The following ATRNL1 variants were observed in gnomAD, a reference collection of about 807,000 sequenced individuals.
ATRNL1 encodes attractin-like protein 1.
In ATRNL1, 95 loss-of-function variants were observed where a neutral mutation model predicts 182.7. That is an observed-to-expected ratio of 0.52 (90% CI 0.44 to 0.62). The LOEUF (loss-of-function observed/expected upper bound fraction) is 0.62, where lower values mean the gene tolerates loss of function less well. Ranked by LOEUF, ATRNL1 falls within the 20% of genes least tolerant of loss-of-function variation. The probability of loss-of-function intolerance (pLI) is 0.00; values close to 1 mark genes in which losing one functional copy is unlikely to be tolerated. For synonymous variants in ATRNL1, 576 were observed against 568.3 expected (o/e 1.01, Z -0.19); for missense variants, 1,471 against 1,679.5 (o/e 0.88, Z 2.17).
chr10:115,847,793 G>A lies in ATRNL1; in HGVS notation c.3904-84G>A, dbSNP rs1246978476. ...TGAACAACTAGGAATGTACAGCACA[G>A]CTACCTAAAGGATAGATAAGGTGAA... On this transcript the variant is annotated intron_variant, in intron 27 of 28. Transcript: ENST00000355044. 5.3e-6 allele frequency: 4 copies of A among 748,938 alleles called. No individual in the cohort carries two copies. In the Admixed American group the frequency reaches 8.0e-5, roughly 15 times the overall value. 46.4% of individuals were successfully genotyped at this position (748,938 alleles called of 1,614,324 possible).
At chr10:115,808,069 G>A (rs530362222) in intron 27 of ATRNL1, among the ~76,000 whole-genome samples, 24 of 152,150 alleles carry the variant, frequency 1.6e-4, no homozygotes, top group Admixed American at 9.8e-4. Flanking sequence ...ATTTATCTTC[G>A]CTGTGTGTAT....
chr10:115,769,219 A>C lies in ATRNL1; in HGVS notation c.3903+41864A>C, dbSNP rs187582743. Among the ~76,000 whole-genome samples the C allele has an allele frequency of 1.8e-3, 271 of 152,270 alleles. 2 individuals are homozygous for C. Among genetic ancestry groups the C allele is most frequent in the African/African-American group, 6.2e-3 (256 of 41,572 alleles). On this transcript the variant is annotated intron_variant, in intron 27 of 28. Transcript: ENST00000355044. ...TATGGAGGCTATCTTCTCCTGCACC[A>C]AAACAAGAAACCGTATAGGTTTCTT...
chr10:115,832,398 T>C (rs981474934), intron 27 of ATRNL1, among the ~76,000 whole-genome samples: 3 of 152,218 alleles, frequency 2.0e-5, no homozygotes, highest in African/African-American at 7.2e-5. Context: ...AGCATAATGC[T>C]AAGGGAAGGA....
chr10:115,128,356 A>G (rs1845065077), intron 4 of ATRNL1: 1 of 241,440 alleles, frequency 4.1e-6, no homozygotes, highest in African/African-American at 2.3e-5. Flanking sequence ...AGATGCTTTC[A>G]CAGGAATGGC....
intron 15 of ATRNL1, among the ~76,000 whole-genome samples, chr10:115,292,107 T>G (rs992564173): frequency 2.0e-4 from 30 of 152,044 alleles, no homozygotes; most frequent in Admixed American, 5.2e-4. Flanking sequence ...GTACAGAAAT[T>G]TATTCATTTC....
rs1854909134 is a variant in ATRNL1, at chr10:115,326,745, A to C, written c.3038-7537A>C. Among the ~76,000 whole-genome samples the C allele has an allele frequency of 3.3e-5, 5 of 152,240 alleles. No individual in the cohort carries two copies. The South Asian group carries it at 1.0e-3, about 32-fold the overall frequency. The stretch of plus-strand genomic sequence containing the variant: ...TGGTACCAAAACAGAGATATAGATC[A>C]ATGGAACAGAACAGAGCCCTCAGAA... On this transcript the variant is annotated intron_variant, in intron 18 of 28. Coordinates refer to ENST00000355044, the MANE Select transcript of ATRNL1 (RefSeq NM_207303.4).
intron 10 of ATRNL1, among the ~76,000 whole-genome samples, chr10:115,253,574 T>C (rs1025016867): frequency 6.6e-6 from 1 of 152,272 alleles, no homozygotes; most frequent in African/African-American, 2.4e-5. Context: ...ATTATACATG[T>C]TCATCATTGG....
At chr10:115,769,259 A>T (rs868913264) in intron 27 of ATRNL1, among the ~76,000 whole-genome samples, 1 of 152,154 alleles carries the variant, frequency 6.6e-6, no homozygotes, top group Non-Finnish European at 1.5e-5. Context: ...ATGCCTATTA[A>T]TCATGCATTG....
chr10:115,446,923 A>C (rs1220137823), intron 21 of ATRNL1, among the ~76,000 whole-genome samples: 19 of 151,964 alleles, frequency 1.3e-4, no homozygotes, highest in African/African-American at 4.6e-4. Context: ...TTGTTCGCCA[A>C]AATATTTAAA....
chr10:115,278,776 G>A (rs985856223), intron 13 of ATRNL1, among the ~76,000 whole-genome samples: 11 of 152,182 alleles, frequency 7.2e-5, no homozygotes, highest in African/African-American at 2.2e-4. Flanking sequence ...GACTTGTTTT[G>A]TCTGAATATG....
intron 26 of ATRNL1, among the ~76,000 whole-genome samples, chr10:115,635,588 T>TGAG: frequency 1.3e-5 from 2 of 152,304 alleles, no homozygotes; most frequent in Admixed American, 1.3e-4. Flanking sequence ...ATATTAAAGC[T>TGAG]GAGTATATGG....
chr10:115,784,665 T>C (rs944423291), intron 27 of ATRNL1, among the ~76,000 whole-genome samples: 3 of 152,202 alleles, frequency 2.0e-5, no homozygotes, highest in African/African-American at 7.2e-5. Flanking sequence ...TCTTAGCTGT[T>C]GGTGGTTGCT....
intron 9 of ATRNL1, among the ~76,000 whole-genome samples, chr10:115,233,120 G>A (rs1006619602): frequency 6.6e-6 from 1 of 151,980 alleles, no homozygotes; most frequent in African/African-American, 2.4e-5. Context: ...CTCCTTGTGT[G>A]TTTGTATGTG....
At chr10:115,413,653 C>G (rs1417910775) in intron 20 of ATRNL1, among the ~76,000 whole-genome samples, 1 of 152,054 alleles carries the variant, frequency 6.6e-6, no homozygotes, top group Non-Finnish European at 1.5e-5. Flanking sequence ...CAAGCTAGCT[C>G]TTTTGTTTAT....
intron 8 of ATRNL1, among the ~76,000 whole-genome samples, chr10:115,177,871 G>C (rs1260573043): frequency 1.0e-5 from 1 of 95,694 alleles, no homozygotes; most frequent in Non-Finnish European, 2.2e-5. Flanking sequence ...GAAGGGAGCT[G>C]TGTTTTTTTT....
At chr10:115,127,018 C>G (rs1845003384) in intron 3 of ATRNL1, among the ~76,000 whole-genome samples, 1 of 152,028 alleles carries the variant, frequency 6.6e-6, no homozygotes, top group Non-Finnish European at 1.5e-5. Flanking sequence ...TATATTAATG[C>G]AATTTGCATA....
intron 26 of ATRNL1, among the ~76,000 whole-genome samples, chr10:115,689,363 CT>C (rs1479717265): frequency 1.3e-5 from 2 of 152,022 alleles, no homozygotes; most frequent in African/African-American, 2.4e-5. Flanking sequence ...ATCTTTTTGG[CT>C]TTTTTATGTA....
chr10:115,917,469 C>CAAA lies in ATRNL1; in HGVS notation c.4019-27175_4019-27173dup, dbSNP rs782543961. Among the ~76,000 whole-genome samples, 1,197 of 94,012 alleles carry CAAA rather than the reference C, an allele frequency of 0.013. 50 individuals are homozygous for CAAA. The East Asian group carries it at 0.14, about 11-fold the overall frequency. The allele number at this position is 94,012 out of a possible 152,430, so 61.7% of individuals were successfully genotyped here. A position where few individuals can be genotyped will look rare whatever the true frequency, so the allele number is the denominator to read the frequency against. On this transcript the variant is annotated intron_variant, in intron 28 of 28. Transcript: ENST00000355044. ...TGGGCAACAGAGCAAGACTCTGTCT[C>CAAA]AAAAAAAAAAAAAAAAGAAAAAAAA...
intron 26 of ATRNL1, among the ~76,000 whole-genome samples, chr10:115,605,276 G>C (rs1296257801): frequency 6.6e-6 from 1 of 151,966 alleles, no homozygotes; most frequent in African/African-American, 2.4e-5. Context: ...CCTGGGAATT[G>C]AGCAGGATGT....
Sources: gnomAD v4.1 joint callset for allele counts (sites outside exome capture counted in the v4.1 genomes callset) on GRCh38, gnomAD v4.1.1 for gene constraint, MANE v1.5 for transcripts, NCBI Gene and HGNC (gene_info 2026-07-23, HGNC 2026-07-21) for gene names.